AKT2: variants seen among roughly 807,000 people sequenced by gnomAD.
AKT2 encodes RAC-beta serine/threonine-protein kinase.
A neutral mutation model predicts 58.6 loss-of-function variants in AKT2; 16 were observed. The observed-to-expected ratio is 0.27, with a 90% CI of 0.18 to 0.41. The LOEUF is 0.41. Ranked by LOEUF, AKT2 falls within the 10% of genes least tolerant of loss-of-function variation. The pLI is 1.00. For synonymous variants in AKT2, 253 were observed against 254.0 expected, an observed-to-expected ratio of 1.00 and a Z score of 0.04; for missense variants, 438 against 661.0, an observed-to-expected ratio of 0.66 and a Z score of 3.70.
Position 40,233,886 on chromosome 19 carries a change from T to C in AKT2, c.1432A>G (p.Ser478Gly). ...GGGCAGACTGCTCACTCGCGGATGC[T>C]GGCCGAGTAGGAGAACTGGGGGAAG... ...THFPQFSYSA[S>G]IRE The change falls in exon 14 of 14, where the codon AGC becomes GGC. Residue 478 changes from serine to glycine, a missense_variant. Around this residue, in one of 3 missense-constraint regions of AKT2, gnomAD observed 148 missense variants for 199.5 expected, o/e 0.74. Transcript: ENST00000392038. This position sits in a 1 kb window ranked among gnomAD's most constrained non-coding sequence, Gnocchi z 4.3. 6.2e-7 allele frequency: 1 copy of C among 1,611,736 alleles called. No individual in the cohort carries two copies. The highest frequency in any genetic ancestry group is 1.3e-5 in the African/African-American group (1 of 75,020).
chr19:40,275,909 A>G (rs527962559), intron 1 of AKT2, among the ~76,000 whole-genome samples: 285 of 150,716 alleles, frequency 1.9e-3, no homozygotes, highest in African/African-American at 6.6e-3. Context: ...GCTACTCGGG[A>G]GGCTGAGGCA....
In AKT2 at chr19:40,235,253, T is replaced by C. The variant is rs758329502; in HGVS notation, c.1263+10A>G. ...CTGAGGGTCCTGCTGGGGCAAGCAGTGGGGCTCACCTTCTTCTGGACCACG... is the reference window on the plus strand; with the variant it reads ...CTGAGGGTCCTGCTGGGGCAAGCAGCGGGGCTCACCTTCTTCTGGACCACG... On this transcript the variant is annotated intron_variant, in intron 12 of 13. Coordinates refer to ENST00000392038, the MANE Select transcript of AKT2 (RefSeq NM_001626.6). This position sits in a 1 kb window ranked among gnomAD's most constrained non-coding sequence, Gnocchi z 6.3. 6.2e-7 allele frequency: 1 copy of C among 1,613,918 alleles called. No homozygotes were observed. Among genetic ancestry groups the C allele is most frequent in the Admixed American group, 1.7e-5 (1 of 60,006 alleles).
In AKT2 at chr19:40,257,027, C is replaced by T. The variant is rs746989021; in HGVS notation, c.74G>A (p.Arg25Gln). The T allele has an allele frequency of 1.2e-6, 2 of 1,614,164 alleles. No individual in the cohort carries two copies. The highest frequency in any genetic ancestry group is 1.7e-6 in the Non-Finnish European group (2 of 1,180,014). The change falls in exon 3 of 14, where the codon CGG becomes CAG. Residue 25 changes from arginine to glutamine, a missense_variant. By Grantham distance (43) the Arg-to-Gln change is conservative. Transcript: ENST00000392038. The part of the protein sequence containing the change: ...RGEYIKTWRP[R>Q]YFLLKSDGSF... ...GCCGTCGCTCTTCAGCAGGAAGTAC[C>T]GTGGCCTCCAGGTCTTGATGTATTC...
chr19:40,248,447 C>G (rs984241222), intron 4 of AKT2, among the ~76,000 whole-genome samples: 1 of 152,210 alleles, frequency 6.6e-6, no homozygotes, highest in African/African-American at 2.4e-5. Flanking sequence ...GGGGGCCAAA[C>G]AGGGAGACTC....
intron 1 of AKT2, among the ~76,000 whole-genome samples, chr19:40,278,890 G>A (rs1448638115): frequency 4.0e-5 from 6 of 151,892 alleles, no homozygotes; most frequent in African/African-American, 1.5e-4. Flanking sequence ...GCCACCGAGA[G>A]GGGTGCCAAG....
At chr19:40,275,271 G>A (rs1465635781) in intron 1 of AKT2, 2 of 456,800 alleles carry the variant, frequency 4.4e-6, no homozygotes, top group Admixed American at 4.7e-5. Context: ...CCCCTGATGT[G>A]CACGCATGCA....
chr19:40,260,565 G>A (rs1043081593), intron 2 of AKT2, among the ~76,000 whole-genome samples: 1 of 142,158 alleles, frequency 7.0e-6, no homozygotes, highest in Non-Finnish European at 1.5e-5. Flanking sequence ...AGGAGGCGGA[G>A]GCTGCAGTGA....
At chr19:40,285,008 A>C in intron 1 of AKT2, 173 bp downstream of exon 1, 4 of 302,008 alleles carry the variant, frequency 1.3e-5, no homozygotes, top group East Asian at 5.2e-5. Flanking sequence ...CGGCCCCCCG[A>C]GGCTGGTCCC....
At chr19:40,243,281 G>GCCA (rs1327412992) in intron 4 of AKT2, 1 of 157,078 alleles carries the variant, frequency 6.4e-6, no homozygotes, top group Non-Finnish European at 1.4e-5. Context: ...TTGAAAATGA[G>GCCA]CCACCACCCT....
chr19:40,282,378 G>A (rs1189888219), intron 1 of AKT2: 8 of 416,432 alleles, frequency 1.9e-5, no homozygotes, highest in East Asian at 7.1e-5. Context: ...GCTAGCTAAC[G>A]CAGGTCCCTG....
chr19:40,233,960 G>T lies in AKT2; in HGVS notation c.1367-9C>A. The T allele has an allele frequency of 6.2e-7, 1 of 1,609,490 alleles. No homozygotes were observed. ...TAAGCCCAGGCTGTCATCTGTGGGC[G>T]GCAGAGGTGGATGGGGAGGACCAGT... is the stretch of plus-strand genomic sequence containing the variant. On this transcript the variant is annotated splice_polypyrimidine_tract_variant and intron_variant, in intron 13 of 13. Transcript: ENST00000392038. The surrounding 1 kb of genome is among the most constrained non-coding windows in gnomAD (Gnocchi z 4.3).
Position 40,238,672 on chromosome 19 carries a change from C to T in AKT2, c.708+233G>A, listed in dbSNP as rs942001023. Among the ~76,000 whole-genome samples the T allele has an allele frequency of 6.6e-6, 1 of 152,126 alleles. No individual in the cohort carries two copies. Among genetic ancestry groups the T allele is most frequent in the African/African-American group, 2.4e-5 (1 of 41,400 alleles). ...CCACACCTCTCTGGACTGGTTTGGA[C>T]CTGACCCACCCACTCACTAGCTGTG... On this transcript the variant is annotated intron_variant, in intron 8 of 13. Transcript: ENST00000392038. This position sits in a 1 kb window ranked among gnomAD's most constrained non-coding sequence, Gnocchi z 5.1.
In AKT2 at chr19:40,275,259, C is replaced by T. The variant is rs112070825; in HGVS notation, c.-84-9908G>A. 6.6e-5 allele frequency: 30 copies of T among 456,854 alleles called. No individual in the cohort carries two copies. In the East Asian group the frequency reaches 1.0e-3, roughly 16 times the overall value. 28.3% of individuals were successfully genotyped at this position (456,854 alleles called of 1,614,324 possible). On this transcript the variant is annotated intron_variant, in intron 1 of 13. Transcript: ENST00000392038. ...CACACCCCGGCCAGCCCTTCCTTAC[C>T]GCCCCTGATGTGCACGCATGCACGG...
chr19:40,255,387 A>G (rs1568548079), intron 3 of AKT2, 118 bp from the exon 4 acceptor site: 1 of 750,378 alleles, frequency 1.3e-6, no homozygotes. Flanking sequence ...TGCTGGGGAC[A>G]CTCTAGGGAC....
At chr19:40,285,143 TG>T (rs371604268) in intron 1 of AKT2, 37 bp downstream of exon 1, 153 of 390,638 alleles carry the variant, frequency 3.9e-4, no homozygotes, top group South Asian at 2.6e-4. Context: ...GCGACCATCG[TG>T]GGGGGGGCGT....
intron 7 of AKT2, 165 bp downstream of exon 7, chr19:40,239,880 C>A: frequency 1.2e-6 from 1 of 832,158 alleles, no homozygotes; most frequent in African/African-American, 1.7e-5. Context: ...TGCTCACCCC[C>A]ACCACATGTC....
At chr19:40,259,813 T>C (rs1975807505) in intron 2 of AKT2, among the ~76,000 whole-genome samples, 1 of 152,134 alleles carries the variant, frequency 6.6e-6, no homozygotes, top group Non-Finnish European at 1.5e-5. Context: ...AACAGAAAGA[T>C]GAAAAGATGT....
chr19:40,242,631 G>A lies in AKT2; in HGVS notation c.344C>T (p.Pro115Leu), dbSNP rs1203244050. 6.2e-7 allele frequency: 1 copy of A among 1,613,516 alleles called. No individual in the cohort carries two copies. Among genetic ancestry groups the A allele is most frequent in the East Asian group, 2.2e-5 (1 of 44,872 alleles). Residue 115 changes from proline (P) to leucine (L), a missense_variant, in exon 5 of 14, where the codon CCA becomes CTA. By Grantham distance (98) the Pro-to-Leu change is moderately conservative. This residue lies in a region of AKT2 where 244 missense variants were observed against 347.1 expected (regional missense o/e 0.70). Coordinates refer to ENST00000392038, the MANE Select transcript of AKT2 (RefSeq NM_001626.6). This position sits in a 1 kb window ranked among gnomAD's most constrained non-coding sequence, Gnocchi z 4.3. ...MVANSLKQRAPGEDPMDYKCG... is the reference protein window; with the variant it reads ...MVANSLKQRALGEDPMDYKCG... ...CTTGTAGTCCATGGGGTCCTCGCCT[G>A]GGGCCCGCTGCTTGAGGCTGTTGGC...
chr19:40,235,532 G>A lies in AKT2; in HGVS notation c.1176-182C>T, dbSNP rs774582119. 8 of 688,204 alleles carry A rather than the reference G, an allele frequency of 1.2e-5. No individual in the cohort carries two copies. Among genetic ancestry groups the A allele is most frequent in the Non-Finnish European group, 2.1e-5 (8 of 388,060 alleles). The allele number at this position is 688,204 out of a possible 1,614,324, so 42.6% of individuals were successfully genotyped here. On this transcript the variant is annotated intron_variant, in intron 11 of 13. Transcript: ENST00000392038. The surrounding 1 kb of genome is among the most constrained non-coding windows in gnomAD (Gnocchi z 6.3). ...ACGTGCCCAGGGTCAGAGCCAGGGA[G>A]TCAGCAACCCGGACCCACGTGTCCT...
Sources: gnomAD v4.1 joint callset for allele counts (sites outside exome capture counted in the v4.1 genomes callset) on GRCh38, gnomAD v4.1.1 for gene constraint, gnomAD v4.1.1 regional missense constraint, Gnocchi (gnomAD v3.1) non-coding constraint, MANE v1.5 for transcripts, NCBI Gene and HGNC (gene_info 2026-07-23, HGNC 2026-07-21) for gene names.